Variants in ALG9 observed in about 807,000 individuals in gnomAD.
The protein encoded by ALG9 is ALG9 alpha-1,2-mannosyltransferase, also known as alpha-1,2-mannosyltransferase ALG9.
Under a neutral mutation model 81.8 loss-of-function variants are expected in ALG9, and 55 were observed. The ratio of observed to expected loss-of-function variants is 0.67; its 90% CI spans 0.54 to 0.84. The LOEUF is 0.84. Ranked by LOEUF, ALG9 falls within the 40% of genes least tolerant of loss-of-function variation. The pLI is 0.00. For synonymous variants in ALG9, 278 were observed against 274.3 expected (o/e 1.01, Z -0.13); for missense variants, 629 against 745.0 (o/e 0.84, Z 1.81).
chr11:111,807,401 C>T (rs1223148239), intron 14 of ALG9, among the ~76,000 whole-genome samples: 1 of 152,154 alleles, frequency 6.6e-6, no homozygotes, highest in Non-Finnish European at 1.5e-5. Flanking sequence ...AATGCCCTTA[C>T]ATCTCTCAAG....
intron 14 of ALG9, chr11:111,788,300 T>G (rs1591778634): frequency 2.5e-6 from 1 of 404,004 alleles, no homozygotes; most frequent in South Asian, 1.8e-5. Context: ...ACGCTGGCAG[T>G]GCCCTGTGCT....
intron 14 of ALG9, among the ~76,000 whole-genome samples, chr11:111,789,975 T>C (rs1355297325): frequency 2.0e-5 from 3 of 151,664 alleles, no homozygotes; most frequent in African/African-American, 7.3e-5. Flanking sequence ...CACTCAGGAG[T>C]TGGAAAAAAA....
chr11:111,863,539 T>C (rs1961122788), intron 4 of ALG9, among the ~76,000 whole-genome samples: 1 of 152,178 alleles, frequency 6.6e-6, no homozygotes, highest in Non-Finnish European at 1.5e-5. Flanking sequence ...AGGCCAAACA[T>C]TTTTTAAAAT....
intron 14 of ALG9, among the ~76,000 whole-genome samples, chr11:111,801,116 CT>C (rs1949061564): frequency 6.6e-6 from 1 of 152,158 alleles, no homozygotes; most frequent in African/African-American, 2.4e-5. Context: ...ACCATTATTT[CT>C]CATTAATATA....
At chr11:111,870,978 T>C (rs1053120143) in intron 1 of ALG9, 3 of 1,019,542 alleles carry the variant, frequency 2.9e-6, no homozygotes, top group Non-Finnish European at 3.5e-6. Context: ...TGATGGCGGG[T>C]TGGATGGGCC....
Position 111,785,359 on chromosome 11 carries a change from T to TATAC in ALG9, c.*1037_*1038insGTAT, listed in dbSNP as rs1428169405. The TATAC allele has an allele frequency of 5.9e-5, 9 of 152,422 alleles. No individual in the cohort carries two copies. Among genetic ancestry groups the TATAC allele is most frequent in the Non-Finnish European group, 4.4e-5 (3 of 68,188 alleles). 9.4% of individuals were successfully genotyped at this position (152,422 alleles called of 1,614,324 possible). A position where few individuals can be genotyped will look rare whatever the true frequency, so the allele number is the denominator to read the frequency against. ...TGTAAAGGCTTTTAAAGTAATAGTATACACTTATCACATTTTAATTAGGTC... is the reference window on the plus strand; with the variant it reads ...TGTAAAGGCTTTTAAAGTAATAGTATATACACACTTATCACATTTTAATTAGGTC... On this transcript the variant is annotated 3_prime_UTR_variant, in exon 15 of 15. Transcript: ENST00000616540.
At chr11:111,810,347 C>T (rs1399193351) in intron 13 of ALG9, among the ~76,000 whole-genome samples, 2 of 152,112 alleles carry the variant, frequency 1.3e-5, no homozygotes, top group Non-Finnish European at 2.9e-5. Flanking sequence ...TTTGTTAATA[C>T]TATGTATTAC....
At chr11:111,776,470 C>T in the ALG9 span, among the ~76,000 whole-genome samples, 1 of 152,122 alleles carries the variant, frequency 6.6e-6, no homozygotes, top group Non-Finnish European at 1.5e-5. Flanking sequence ...TACCTGTAAT[C>T]CCAGCTACTC....
intron 13 of ALG9, among the ~76,000 whole-genome samples, chr11:111,834,402 T>A (rs1954883487): frequency 6.6e-6 from 1 of 152,116 alleles, no homozygotes; most frequent in African/African-American, 2.4e-5. Context: ...AGAGATTGGG[T>A]TTCTTTACCT....
At position 111,783,497 on chromosome 11, in the gene ALG9, A is replaced by G. The variant is rs1360540995; in HGVS notation, c.*2900T>C. ...ATAATCTGTAGTCCCACATCCCTCT[A>G]TACTCCACAATCTATGGAGAAATAA... On this transcript the variant is annotated 3_prime_UTR_variant, in exon 15 of 15. Coordinates refer to ENST00000616540, the MANE Select transcript of ALG9 (RefSeq NM_024740.2). 2.6e-5 allele frequency: 4 copies of G among 152,018 alleles called. No individual in the cohort carries two copies. The highest frequency in any genetic ancestry group is 5.9e-5 in the Non-Finnish European group (4 of 68,014). The allele number at this position is 152,018 out of a possible 1,614,324, so 9.4% of individuals were successfully genotyped here.
At chr11:111,822,974 A>C (rs148072432) in intron 13 of ALG9, among the ~76,000 whole-genome samples, 1 of 151,962 alleles carries the variant, frequency 6.6e-6, no homozygotes, top group African/African-American at 2.4e-5. Flanking sequence ...CAGTGAGCCG[A>C]GATCACACCA....
At chr11:111,789,952 C>G (rs781949221) in intron 14 of ALG9, among the ~76,000 whole-genome samples, 15 of 151,668 alleles carry the variant, frequency 9.9e-5, no homozygotes, top group Admixed American at 7.2e-4. Context: ...AGAAAATGAT[C>G]TTATTCTGAT....
Position 111,857,626 on chromosome 11 carries a change from C to T in ALG9, c.677G>A (p.Gly226Asp). 1 of 1,614,144 alleles carries T rather than the reference C, an allele frequency of 6.2e-7. No homozygotes were observed. Among genetic ancestry groups the T allele is most frequent in the Non-Finnish European group, 8.5e-7 (1 of 1,180,020 alleles). The part of the protein sequence containing the change: ...VLGVAAGAIL[G>D]WPFSAALGLP... ...CCCAAGAGCTGCACTGAATGGCCAG[C>T]CTAAGATAGCCCCAGCTGCTACTCC... is the stretch of plus-strand genomic sequence containing the variant. Residue 226 changes from glycine to aspartate, a missense_variant, in exon 6 of 15, where the codon GGC (glycine) becomes GAC (aspartate). Coordinates refer to ENST00000616540, the MANE Select transcript of ALG9 (RefSeq NM_024740.2).
downstream of ALG9, among the ~76,000 whole-genome samples, chr11:111,780,553 T>C (rs1430579207): frequency 6.6e-6 from 1 of 152,032 alleles, no homozygotes; most frequent in Non-Finnish European, 1.5e-5. Context: ...CCCACCATCA[T>C]GCCCAGCTAA....
chr11:111,813,525 C>T (rs1348234537), intron 13 of ALG9, among the ~76,000 whole-genome samples: 1 of 151,956 alleles, frequency 6.6e-6, no homozygotes, highest in Non-Finnish European at 1.5e-5. Context: ...CTGCTTGAGC[C>T]CAGGAGGTAG....
intron 14 of ALG9, among the ~76,000 whole-genome samples, chr11:111,801,080 C>T (rs1410286639): frequency 2.0e-5 from 3 of 152,012 alleles, no homozygotes; most frequent in African/African-American, 2.4e-5. Context: ...GGGTCTAAGA[C>T]GTAAATGACC....
chr11:111,849,016 C>T (rs569293581), intron 8 of ALG9, among the ~76,000 whole-genome samples: 2 of 152,150 alleles, frequency 1.3e-5, no homozygotes, highest in East Asian at 3.9e-4. Context: ...AAGATTAATG[C>T]TCAAAAGCAA....
intron 4 of ALG9, among the ~76,000 whole-genome samples, chr11:111,863,154 G>A (rs937353468): frequency 2.6e-5 from 4 of 151,916 alleles, no homozygotes; most frequent in Admixed American, 1.3e-4. Context: ...GGCAGATCAC[G>A]AAGTCAGGAG....
At chr11:111,839,609 G>C (rs1194702637) in intron 10 of ALG9, among the ~76,000 whole-genome samples, 2 of 131,004 alleles carry the variant, frequency 1.5e-5, no homozygotes, top group Admixed American at 1.6e-4. Flanking sequence ...AAAGGGGGGG[G>C]GGGATATAAA....
Sources: gnomAD v4.1 joint callset for allele counts (sites outside exome capture counted in the v4.1 genomes callset) on GRCh38, gnomAD v4.1.1 for gene constraint, MANE v1.5 for transcripts, NCBI Gene and HGNC (gene_info 2026-07-23, HGNC 2026-07-21) for gene names.